SORCS2: variants seen among roughly 807,000 people sequenced by gnomAD.
SORCS2 encodes the protein sortilin related VPS10 domain containing receptor 2.
Under a neutral mutation model 141.6 loss-of-function variants are expected in SORCS2, and 100 were observed. That is an observed-to-expected ratio of 0.71 (90% CI 0.60 to 0.83). The LOEUF is 0.83. SORCS2 is among the 40% of genes least tolerant of loss of function. The pLI, the probability that SORCS2 is intolerant of heterozygous loss-of-function variation, is 0.00. For synonymous variants in SORCS2, 789 were observed against 676.9 expected, an observed-to-expected ratio of 1.17 and a Z score of -2.57; for missense variants, 1,646 against 1,560.2, an observed-to-expected ratio of 1.05 and a Z score of -0.93.
intron 4 of SORCS2, among the ~76,000 whole-genome samples, chr4:7,647,655 G>T (rs1015200641): frequency 4.6e-5 from 7 of 152,224 alleles, no homozygotes; most frequent in African/African-American, 1.7e-4. Context: ...AATAAAGGCT[G>T]TGTGAGGAAG....
At chr4:7,244,032 A>T (rs1254032187) in intron 1 of SORCS2, among the ~76,000 whole-genome samples, 1 of 152,164 alleles carries the variant, frequency 6.6e-6, no homozygotes, top group Non-Finnish European at 1.5e-5. Flanking sequence ...TGCTCAGCGG[A>T]GTCACCTCTG....
intron 2 of SORCS2, among the ~76,000 whole-genome samples, chr4:7,446,286 T>C (rs1249532915): frequency 6.6e-6 from 1 of 152,168 alleles, no homozygotes; most frequent in Admixed American, 6.5e-5. Flanking sequence ...CACTCGGCCC[T>C]ATGCCCCACC....
intron 1 of SORCS2, among the ~76,000 whole-genome samples, chr4:7,354,466 G>A (rs1455783517): frequency 2.6e-5 from 4 of 152,074 alleles, no homozygotes; most frequent in Admixed American, 6.5e-5. Context: ...AAGGTGCAGG[G>A]GTAAGCATCA....
chr4:7,283,343 C>T (rs1201282298), intron 1 of SORCS2, among the ~76,000 whole-genome samples: 1 of 152,186 alleles, frequency 6.6e-6, no homozygotes, highest in Non-Finnish European at 1.5e-5. Flanking sequence ...GCAGTTCTTT[C>T]CTGGGCTGCT....
At chr4:7,479,498 G>T (rs1730498695) in intron 2 of SORCS2, among the ~76,000 whole-genome samples, 1 of 152,242 alleles carries the variant, frequency 6.6e-6, no homozygotes, top group African/African-American at 2.4e-5. Flanking sequence ...AATGTGCAGA[G>T]TTTGGACAAC....
At chr4:7,478,089 G>A (rs1045972353) in intron 2 of SORCS2, among the ~76,000 whole-genome samples, 1 of 152,176 alleles carries the variant, frequency 6.6e-6, no homozygotes, top group Non-Finnish European at 1.5e-5. Context: ...TGTGGCAAAG[G>A]GACAGTGTGT....
At chr4:7,566,074 C>T (rs28703787) in intron 3 of SORCS2, among the ~76,000 whole-genome samples, 82,286 of 146,794 alleles carry the variant, frequency 0.56, 26,308 homozygotes, top group East Asian at 0.89. Context: ...ATGGTGATGA[C>T]GGTAATGATG....
intron 1 of SORCS2, among the ~76,000 whole-genome samples, chr4:7,266,081 T>C (rs1245336729): frequency 3.3e-5 from 5 of 152,190 alleles, no homozygotes; most frequent in Non-Finnish European, 7.3e-5. Flanking sequence ...ATTTCCCTTT[T>C]TTCTGGAGCC....
At chr4:7,657,533 G>A (rs1364121131) in intron 5 of SORCS2, among the ~76,000 whole-genome samples, 1 of 151,622 alleles carries the variant, frequency 6.6e-6, no homozygotes, top group Admixed American at 6.6e-5. Context: ...GTGTGATTGA[G>A]TGAAAGAATG....
At chr4:7,379,917 C>G (rs929005847) in intron 1 of SORCS2, among the ~76,000 whole-genome samples, 4 of 152,314 alleles carry the variant, frequency 2.6e-5, no homozygotes, top group East Asian at 1.9e-4. Flanking sequence ...CTCAGACATT[C>G]AGTGCGTGAG....
At chr4:7,217,552 T>C (rs1289855233) in intron 1 of SORCS2, among the ~76,000 whole-genome samples, 1 of 152,136 alleles carries the variant, frequency 6.6e-6, no homozygotes. Context: ...TTGGCAAAAC[T>C]TCCACCACTC....
At chr4:7,697,342 G>T in intron 12 of SORCS2, 68 bp downstream of exon 12, 2 of 1,334,658 alleles carry the variant, frequency 1.5e-6, no homozygotes, top group South Asian at 2.6e-5. Flanking sequence ...AGACACTTCT[G>T]TTCTGTCATC....
chr4:7,688,268 C>A (rs1723998768), intron 10 of SORCS2, among the ~76,000 whole-genome samples: 1 of 152,142 alleles, frequency 6.6e-6, no homozygotes, highest in African/African-American at 2.4e-5. Flanking sequence ...GGTCAGCAGG[C>A]CTCACCGTCA....
chr4:7,520,858 G>A (rs893498884), intron 2 of SORCS2, among the ~76,000 whole-genome samples: 1 of 152,230 alleles, frequency 6.6e-6, no homozygotes. Context: ...CTGCAGTCAA[G>A]GTCCAGCTGC....
intron 1 of SORCS2, 40 bp from the exon 2 acceptor site, chr4:7,396,248 C>T: frequency 1.3e-6 from 2 of 1,599,892 alleles, no homozygotes; most frequent in Non-Finnish European, 8.6e-7. Context: ...AACCTTGGCA[C>T]CCACTGATTT....
chr4:7,420,710 G>T (rs188988392), intron 2 of SORCS2, among the ~76,000 whole-genome samples: 40 of 152,252 alleles, frequency 2.6e-4, no homozygotes, highest in Middle Eastern at 3.4e-3. Flanking sequence ...TAGGGCAGTG[G>T]CAGTCACATA....
At chr4:7,573,940 A>C (rs1715566041) in intron 3 of SORCS2, among the ~76,000 whole-genome samples, 1 of 152,194 alleles carries the variant, frequency 6.6e-6, no homozygotes, top group African/African-American at 2.4e-5. Flanking sequence ...CTGCTGGCAC[A>C]CGCGTCCACT....
intron 14 of SORCS2, among the ~76,000 whole-genome samples, chr4:7,710,883 C>T (rs1725789245): frequency 6.6e-6 from 1 of 152,240 alleles, no homozygotes; most frequent in South Asian, 2.1e-4. Context: ...CCCCATTTCC[C>T]CACTCCTCTG....
intron 1 of SORCS2, among the ~76,000 whole-genome samples, chr4:7,195,391 C>A (rs1029667169): frequency 6.6e-6 from 1 of 152,136 alleles, no homozygotes; most frequent in African/African-American, 2.4e-5. Flanking sequence ...AGCCAGGACA[C>A]CCTCATTGTG....
Sources: gnomAD v4.1 joint callset for allele counts (sites outside exome capture counted in the v4.1 genomes callset) on GRCh38, gnomAD v4.1.1 for gene constraint, MANE v1.5 for transcripts, NCBI Gene and HGNC (gene_info 2026-07-23, HGNC 2026-07-21) for gene names.